Variants in ELN observed in about 807,000 individuals in gnomAD.
ELN encodes tropoelastin.
ELN carries 65 observed loss-of-function variants against 105.8 expected under a neutral mutation model. That is an observed-to-expected ratio of 0.61 (90% confidence interval 0.50 to 0.75). ELN has a LOEUF of 0.75. Among genes scored for constraint, ELN ranks in the 30% least tolerant of loss-of-function variants. The probability of loss-of-function intolerance (pLI) is 0.00; values close to 1 mark genes in which losing one functional copy is unlikely to be tolerated. For synonymous variants in ELN, 368 were observed against 389.2 expected (o/e 0.95, Z 0.64); for missense variants, 882 against 969.4 (o/e 0.91, Z 1.20).
Position 74,060,601 on chromosome 7 carries a change from G to C in ELN, c.1747+100G>C. The C allele has an allele frequency of 1.9e-6, 3 of 1,590,144 alleles. No homozygotes were observed. The highest frequency in any genetic ancestry group is 2.6e-6 in the Non-Finnish European group (3 of 1,167,896). On this transcript the variant is annotated intron_variant, in intron 25 of 32. Coordinates refer to ENST00000252034, the MANE Select transcript of ELN (RefSeq NM_000501.4). ...CCCAGCACCCCCTCATCACCCAGGG[G>C]TGCATAGTAAAATCCTTGTTAGGTT...
At chr7:74,037,915 A>T in intron 4 of ELN, 176 bp downstream of exon 4, 1 of 900,358 alleles carries the variant, frequency 1.1e-6, no homozygotes, top group Non-Finnish European at 1.7e-6. Context: ...GGCCGGGGCC[A>T]GGTCCCAGGG....
In ELN at chr7:74,063,746, C is replaced by T. The variant is rs1554686991; in HGVS notation, c.1993+51C>T. ...GTGTGTGTGGTGTGTGTATGCGAGA[C>T]AGAGATGGAGACAGAGACAGAGACA... On this transcript the variant is annotated intron_variant, in intron 29 of 32. Transcript: ENST00000252034. The surrounding 1 kb of genome is among the most constrained non-coding windows in gnomAD (Gnocchi z 4.1). 6.2e-7 allele frequency: 1 copy of T among 1,609,596 alleles called. No homozygotes were observed. Among genetic ancestry groups the T allele is most frequent in the Admixed American group, 1.7e-5 (1 of 59,920 alleles).
At chr7:74,053,075 C>G in intron 17 of ELN, 88 bp from the exon 18 acceptor site, 1 of 1,596,836 alleles carries the variant, frequency 6.3e-7, no homozygotes, top group Non-Finnish European at 8.6e-7. Context: ...CATTCAGGAC[C>G]AACTGTCACT....
At chr7:74,062,696 G>A (rs1563865426) in intron 26 of ELN, among the ~76,000 whole-genome samples, 2 of 152,044 alleles carry the variant, frequency 1.3e-5, no homozygotes, top group African/African-American at 2.4e-5. Context: ...GATTACAGGC[G>A]CCCGCCACCA....
intron 15 of ELN, among the ~76,000 whole-genome samples, chr7:74,050,719 A>G (rs1554675532): frequency 6.6e-6 from 1 of 152,126 alleles, no homozygotes; most frequent in African/African-American, 2.4e-5. Flanking sequence ...ATCAGAGATC[A>G]GGGACAAACA....
intron 6 of ELN, 70 bp downstream of exon 6, chr7:74,042,776 C>A: frequency 6.3e-7 from 1 of 1,585,994 alleles, no homozygotes; most frequent in South Asian, 1.1e-5. Flanking sequence ...TTGCAAAGAA[C>A]CTTCCCTCAA....
chr7:74,045,432 C>T, intron 10 of ELN, 139 bp downstream of exon 10: 1 of 964,924 alleles, frequency 1.0e-6, no homozygotes, highest in Non-Finnish European at 1.6e-6. Flanking sequence ...CCTGGGCAGC[C>T]TGGTGCTGAA....
intron 31 of ELN, among the ~76,000 whole-genome samples, chr7:74,066,370 C>T (rs1458194863): frequency 2.0e-5 from 3 of 152,032 alleles, no homozygotes; most frequent in African/African-American, 7.2e-5. Context: ...AGTTCGAGAC[C>T]AGTCTGGTCA....
chr7:74,038,361 C>G (rs1045158457), intron 4 of ELN, among the ~76,000 whole-genome samples: 2 of 152,240 alleles, frequency 1.3e-5, no homozygotes, highest in African/African-American at 4.8e-5. Flanking sequence ...TAGGCCAAGC[C>G]CTGACCCCAA....
At chr7:74,047,786 T>TA in intron 13 of ELN, 70 bp downstream of exon 13, 1 of 1,608,416 alleles carries the variant, frequency 6.2e-7, no homozygotes, top group Non-Finnish European at 8.5e-7. Flanking sequence ...AAGGGTGCTG[T>TA]GCTTCCAGCC....
Position 74,046,195 on chromosome 7 carries a change from T to C in ELN, c.549T>C (p.Gly183=), listed in dbSNP as rs782332803. Residue 183 remains glycine (G), a synonymous_variant, in exon 11 of 33, where the codon GGT becomes GGC. Coordinates refer to ENST00000252034, the MANE Select transcript of ELN (RefSeq NM_000501.4). ...AGVKPKAPGV[G]GAFAGIPGVG... ...AGCTTTTTATCATTACAGGTGTAGG[T>C]GGAGCTTTTGCTGGAATCCCAGGTG... 21 of 1,614,208 alleles carry C rather than the reference T, an allele frequency of 1.3e-5. No individual in the cohort carries two copies. Among genetic ancestry groups the C allele is most frequent in the Non-Finnish European group, 1.8e-5 (21 of 1,180,032 alleles).
At chr7:74,029,190 G>A (rs1788106064) in intron 1 of ELN, among the ~76,000 whole-genome samples, 1 of 152,118 alleles carries the variant, frequency 6.6e-6, no homozygotes, top group Non-Finnish European at 1.5e-5. Flanking sequence ...GTGTGTTATG[G>A]AGTGTGTACA....
intron 21 of ELN, 106 bp downstream of exon 21, chr7:74,056,819 G>A: frequency 1.4e-6 from 2 of 1,480,990 alleles, no homozygotes. Flanking sequence ...GAAATGGCCT[G>A]GACCAAGGTC....
At chr7:74,042,887 G>C in intron 6 of ELN, 97 bp from the exon 7 acceptor site, 1 of 1,603,202 alleles carries the variant, frequency 6.2e-7, no homozygotes, top group East Asian at 2.2e-5. Flanking sequence ...TTAGTAACGG[G>C]GCCAGACCTC....
chr7:74,050,506 C>T lies in ELN; in HGVS notation c.800-1244C>T, dbSNP rs540293376. Among the ~76,000 whole-genome samples, 19 of 152,148 alleles carry T rather than the reference C, an allele frequency of 1.2e-4. No individual in the cohort carries two copies. In the East Asian group the frequency reaches 3.7e-3, roughly 29 times the overall value. On this transcript the variant is annotated intron_variant, in intron 15 of 32. Transcript: ENST00000252034. ...CCATTCTTCCGTGCATCCCTCCATC[C>T]ATTCCTCCATGCACCCATCCATCCA...
chr7:74,046,988 G>A (rs1414310742), intron 12 of ELN, among the ~76,000 whole-genome samples: 6 of 152,188 alleles, frequency 3.9e-5, no homozygotes, highest in African/African-American at 1.2e-4. Flanking sequence ...GGAGGCTGAG[G>A]CAGGAGAATC....
At chr7:74,043,625 C>A (rs1333430785) in intron 8 of ELN, 1 of 638,100 alleles carries the variant, frequency 1.6e-6, no homozygotes, top group Non-Finnish European at 2.8e-6. Context: ...AGCTGTTAGC[C>A]AGAGGTGGGC....
Position 74,060,057 on chromosome 7 carries a change from A to T in ELN, c.1576+10A>T, listed in dbSNP as rs1292104121. On this transcript the variant is annotated intron_variant, in intron 23 of 32. Coordinates refer to ENST00000252034, the MANE Select transcript of ELN (RefSeq NM_000501.4). ...CCTGGTGGAGTTGCAGGTGAGTTTC[A>T]TGAGTCAATGAGCCTGAGGGGCCCC... 6 of 1,613,830 alleles carry T rather than the reference A, an allele frequency of 3.7e-6. No individual in the cohort carries two copies. Among genetic ancestry groups the T allele is most frequent in the Non-Finnish European group, 5.1e-6 (6 of 1,179,990 alleles).
At chr7:74,060,607 A>T (rs1554683841) in intron 25 of ELN, 106 bp downstream of exon 25, 1 of 1,584,490 alleles carries the variant, frequency 6.3e-7, no homozygotes, top group Non-Finnish European at 8.6e-7. Flanking sequence ...AGGGGTGCAT[A>T]GTAAAATCCT....
Sources: gnomAD v4.1 joint callset for allele counts (sites outside exome capture counted in the v4.1 genomes callset) on GRCh38, gnomAD v4.1.1 for gene constraint, Gnocchi (gnomAD v3.1) non-coding constraint, MANE v1.5 for transcripts, NCBI Gene and HGNC (gene_info 2026-07-23, HGNC 2026-07-21) for gene names.